The following CAMKMT variants were observed in gnomAD, a reference collection of about 807,000 sequenced individuals.
The protein encoded by CAMKMT is calmodulin-lysine N-methyltransferase.
Under a neutral mutation model 48.0 loss-of-function variants are expected in CAMKMT, and 53 were observed. That is an observed-to-expected ratio of 1.10 (90% CI 0.89 to 1.39). The LOEUF is 1.39. CAMKMT is among the 40% of genes most tolerant of loss of function. CAMKMT has a pLI of 0.00. For missense variants in CAMKMT, 428 were observed against 402.7 expected (o/e 1.06, Z -0.54); for synonymous variants, 165 against 152.3 (o/e 1.08, Z -0.61).
intron 3 of CAMKMT, among the ~76,000 whole-genome samples, chr2:44,519,988 G>C (rs1333166006): frequency 6.6e-6 from 1 of 151,348 alleles, no homozygotes; most frequent in Non-Finnish European, 1.5e-5. Context: ...GAGGCGGGCG[G>C]ATCACGAGGT....
intron 3 of CAMKMT, among the ~76,000 whole-genome samples, chr2:44,521,902 A>G (rs1039623159): frequency 1.3e-5 from 2 of 152,192 alleles, no homozygotes; most frequent in African/African-American, 4.8e-5. Context: ...GGTAAAATAC[A>G]TGTAACATAA....
At chr2:44,435,893 G>T (rs569744462) in intron 3 of CAMKMT, among the ~76,000 whole-genome samples, 2 of 152,134 alleles carry the variant, frequency 1.3e-5, no homozygotes, top group Admixed American at 6.5e-5. Context: ...ACATAATAAT[G>T]GTTTTCATTT....
intron 3 of CAMKMT, among the ~76,000 whole-genome samples, chr2:44,552,813 C>T (rs898140010): frequency 6.6e-6 from 1 of 152,124 alleles, no homozygotes; most frequent in Non-Finnish European, 1.5e-5. Flanking sequence ...TACCATTGGG[C>T]TATTTACTTT....
chr2:44,499,164 C>G (rs1310474316), intron 3 of CAMKMT, among the ~76,000 whole-genome samples: 1 of 152,098 alleles, frequency 6.6e-6, no homozygotes, highest in Admixed American at 6.6e-5. Flanking sequence ...CATTTATCCT[C>G]AAGAATAGGC....
At chr2:44,558,816 C>CT (rs1668164655) in intron 3 of CAMKMT, among the ~76,000 whole-genome samples, 1 of 152,140 alleles carries the variant, frequency 6.6e-6, no homozygotes, top group Non-Finnish European at 1.5e-5. Flanking sequence ...GGTTCAAAAA[C>CT]TAACTATTGG....
intron 3 of CAMKMT, among the ~76,000 whole-genome samples, chr2:44,654,434 A>G (rs1286445583): frequency 1.3e-5 from 2 of 152,214 alleles, no homozygotes; most frequent in Non-Finnish European, 2.9e-5. Context: ...GAAGCCAAAG[A>G]TTAACTGTTA....
At chr2:44,566,399 G>T (rs1668616906) in intron 3 of CAMKMT, among the ~76,000 whole-genome samples, 1 of 152,160 alleles carries the variant, frequency 6.6e-6, no homozygotes, top group African/African-American at 2.4e-5. Context: ...TTACAAAAAG[G>T]TACTACAAGT....
intron 8 of CAMKMT, 27 bp downstream of exon 8, chr2:44,743,723 C>T (rs1370290199): frequency 5.1e-6 from 8 of 1,574,034 alleles, no homozygotes; most frequent in Non-Finnish European, 7.0e-6. Flanking sequence ...CACAAAACTC[C>T]TGTTAGAAAA....
intron 3 of CAMKMT, among the ~76,000 whole-genome samples, chr2:44,431,118 A>T (rs1055458670): frequency 6.6e-6 from 1 of 152,190 alleles, no homozygotes; most frequent in African/African-American, 2.4e-5. Flanking sequence ...AGGTCAGCAC[A>T]ATTAACCTAT....
chr2:44,704,344 G>T lies in CAMKMT; in HGVS notation c.437+1G>T, dbSNP rs1234595374. On this transcript the variant is annotated splice_donor_variant, in intron 4 of 10. Coordinates refer to ENST00000378494, the MANE Select transcript of CAMKMT (RefSeq NM_024766.5). LOFTEE classifies it high-confidence loss of function. ...GCCTCAAGCACAATAATATATTCAG[G>T]TACAGAGCTGCACTTAAGATATTTT... The T allele has an allele frequency of 1.3e-6, 2 of 1,588,238 alleles. No individual in the cohort carries two copies. Among genetic ancestry groups the T allele is most frequent in the Non-Finnish European group, 8.6e-7 (1 of 1,165,736 alleles).
intron 3 of CAMKMT, among the ~76,000 whole-genome samples, chr2:44,502,481 GT>G (rs1315569648): frequency 2.6e-5 from 4 of 152,014 alleles, no homozygotes; most frequent in African/African-American, 7.3e-5. Flanking sequence ...CAGTTTCACT[GT>G]GTCCATTCTC....
intron 2 of CAMKMT, among the ~76,000 whole-genome samples, chr2:44,379,568 C>G: frequency 6.6e-6 from 1 of 152,124 alleles, no homozygotes; most frequent in Middle Eastern, 3.2e-3. Flanking sequence ...ATCAGTGAAG[C>G]ACTTGTTAAT....
intron 7 of CAMKMT, among the ~76,000 whole-genome samples, chr2:44,729,806 G>C (rs1020849581): frequency 6.6e-6 from 1 of 152,184 alleles, no homozygotes; most frequent in Non-Finnish European, 1.5e-5. Context: ...GCTTCTCAAA[G>C]TGTGGCCCCC....
intron 3 of CAMKMT, among the ~76,000 whole-genome samples, chr2:44,453,416 A>G (rs1269474137): frequency 2.0e-5 from 3 of 152,086 alleles, no homozygotes; most frequent in Non-Finnish European, 4.4e-5. Context: ...AAAGAATGCA[A>G]GTAATCTAAA....
intron 3 of CAMKMT, among the ~76,000 whole-genome samples, chr2:44,627,471 C>A (rs1030969728): frequency 5.3e-5 from 8 of 151,974 alleles, no homozygotes; most frequent in Non-Finnish European, 1.0e-4. Context: ...AGTAATTCTT[C>A]CCTTAATGCT....
intron 3 of CAMKMT, among the ~76,000 whole-genome samples, chr2:44,427,262 C>T (rs927384043): frequency 2.0e-5 from 3 of 152,050 alleles, no homozygotes; most frequent in Non-Finnish European, 4.4e-5. Flanking sequence ...AAATAATGTA[C>T]GACCAAGTCC....
At chr2:44,765,463 G>A (rs1680798180) in intron 9 of CAMKMT, among the ~76,000 whole-genome samples, 1 of 151,778 alleles carries the variant, frequency 6.6e-6, no homozygotes, top group Admixed American at 6.6e-5. Context: ...ACCTAAAGAG[G>A]CATTTCACAG....
chr2:44,670,059 G>A (rs1675240397), intron 3 of CAMKMT, among the ~76,000 whole-genome samples: 1 of 152,062 alleles, frequency 6.6e-6, no homozygotes, highest in African/African-American at 2.4e-5. Flanking sequence ...TTTCTACTGG[G>A]TTAATTGTCT....
chr2:44,419,870 T>TA (rs35934892), intron 3 of CAMKMT, among the ~76,000 whole-genome samples: 1 of 152,154 alleles, frequency 6.6e-6, no homozygotes. Context: ...CTCCCCTCTT[T>TA]AAAAAAATTT....
Sources: gnomAD v4.1 joint callset for allele counts (sites outside exome capture counted in the v4.1 genomes callset) on GRCh38, gnomAD v4.1.1 for gene constraint, MANE v1.5 for transcripts, NCBI Gene and HGNC (gene_info 2026-07-23, HGNC 2026-07-21) for gene names.